The following TOX4 variants were observed in gnomAD, a reference collection of about 807,000 sequenced individuals.
The protein encoded by TOX4 is epidermal Langerhans cell protein LCP1.
TOX4 carries 12 observed loss-of-function variants against 61.0 expected under a neutral mutation model. The ratio of observed to expected loss-of-function variants is 0.20; its 90% CI spans 0.13 to 0.32. TOX4 has a LOEUF of 0.32. TOX4 is among the 10% of genes least tolerant of loss of function. The pLI, the probability that TOX4 is intolerant of heterozygous loss-of-function variation, is 1.00. For synonymous variants in TOX4, 268 were observed against 274.8 expected, an observed-to-expected ratio of 0.98 and a Z score of 0.24; for missense variants, 499 against 753.3, an observed-to-expected ratio of 0.66 and a Z score of 3.95.
rs1279133121 is a variant in TOX4, at chr14:21,498,713, A to C, written c.*2107A>C. ...AGGGGTGAAAGATGTAATTATTGAC[A>C]GATTAAATAGATAACTTCGTAACCA... On this transcript the variant is annotated 3_prime_UTR_variant, in exon 9 of 9. Coordinates refer to ENST00000448790, the MANE Select transcript of TOX4 (RefSeq NM_014828.4). 5 of 458,114 alleles carry C rather than the reference A, an allele frequency of 1.1e-5. No homozygotes were observed. The highest frequency in any genetic ancestry group is 3.9e-5 in the African/African-American group (2 of 51,224). The allele number at this position is 458,114 out of a possible 1,614,324, so 28.4% of individuals were successfully genotyped here.
At chr14:21,488,954 C>G (rs1891238928) in intron 4 of TOX4, 104 bp downstream of exon 4, 1 of 1,498,754 alleles carries the variant, frequency 6.7e-7, no homozygotes, top group Admixed American at 2.0e-5. Context: ...GTGCCATCTC[C>G]TCTGCTGTTT....
At chr14:21,496,425 G>A in intron 8 of TOX4, 121 bp from the exon 9 acceptor site, 1 of 809,268 alleles carries the variant, frequency 1.2e-6, no homozygotes, top group Non-Finnish European at 2.0e-6. Flanking sequence ...TACTCGGGAG[G>A]CTAAGGCAGG....
chr14:21,477,637 C>A, intron 2 of TOX4, 73 bp downstream of exon 2: 1 of 1,532,618 alleles, frequency 6.5e-7, no homozygotes, highest in Non-Finnish European at 8.9e-7. Context: ...GGGAGGAGAG[C>A]ACGGACTCCG....
In TOX4 at chr14:21,487,433, C is replaced by A. The variant is rs201718365; in HGVS notation, c.76-18C>A. On this transcript the variant is annotated intron_variant, in intron 2 of 8. Coordinates refer to ENST00000448790, the MANE Select transcript of TOX4 (RefSeq NM_014828.4). The stretch of plus-strand genomic sequence containing the variant: ...CTCCTCTTTTCACTAATTCTTTTCC[C>A]CCTTTTTTCCCCTACAGACATTCCA... 98 of 1,609,764 alleles carry A rather than the reference C, an allele frequency of 6.1e-5. No homozygotes were observed. Among genetic ancestry groups the A allele is most frequent in the Admixed American group, 1.2e-4 (7 of 59,820 alleles).
intron 5 of TOX4, 145 bp downstream of exon 5, chr14:21,489,548 T>G: frequency 1.3e-6 from 1 of 767,026 alleles, no homozygotes; most frequent in Non-Finnish European, 2.0e-6. Flanking sequence ...GTCTTCGAAG[T>G]TGCAGCCATA....
chr14:21,498,206 T>G lies in TOX4; in HGVS notation c.*1600T>G. On this transcript the variant is annotated 3_prime_UTR_variant, in exon 9 of 9. Coordinates refer to ENST00000448790, the MANE Select transcript of TOX4 (RefSeq NM_014828.4). ...TATTGTACAAATATCACTCTTCAGG[T>G]TTAGCTTACAGAGCCATGGCTATGG... The G allele has an allele frequency of 9.7e-7, 1 of 1,034,132 alleles. No homozygotes were observed. The highest frequency in any genetic ancestry group is 1.5e-6 in the Non-Finnish European group (1 of 654,902). The allele number at this position is 1,034,132 out of a possible 1,614,324, so 64.1% of individuals were successfully genotyped here. A position where few individuals can be genotyped will look rare whatever the true frequency, so the allele number is the denominator to read the frequency against.
At chr14:21,496,373 A>T (rs1183240868) in intron 8 of TOX4, 173 bp from the exon 9 acceptor site, 1 of 530,490 alleles carries the variant, frequency 1.9e-6, no homozygotes, top group Non-Finnish European at 3.4e-6. Flanking sequence ...TAAAAATACA[A>T]AAAATTGGCC....
rs537501336 is a variant in TOX4 at position 21,487,118 on chromosome 14, T to C, written c.76-333T>C. On this transcript the variant is annotated intron_variant, in intron 2 of 8. Transcript: ENST00000448790. ...GATTTCAAGAATCATAGTAAACAGG[T>C]TATAAAGGCTATGTCCTAAGTAATG... Among the ~76,000 whole-genome samples, 5 of 152,308 alleles carry C rather than the reference T, an allele frequency of 3.3e-5. No homozygotes were observed. The East Asian group carries it at 9.6e-4, about 29-fold the overall frequency.
Position 21,497,138 on chromosome 14 carries a change from T to TTA in TOX4, c.*540_*541dup, listed in dbSNP as rs1378007717. 2 of 152,672 alleles carry TTA rather than the reference T, an allele frequency of 1.3e-5. No homozygotes were observed. Among genetic ancestry groups the TTA allele is most frequent in the African/African-American group, 4.8e-5 (2 of 41,432 alleles). 9.5% of individuals were successfully genotyped at this position (152,672 alleles called of 1,614,324 possible). On this transcript the variant is annotated 3_prime_UTR_variant, in exon 9 of 9. Coordinates refer to ENST00000448790, the MANE Select transcript of TOX4 (RefSeq NM_014828.4). ...GACATCACCCAGGAGTGATTTCTCTTTATATATATTATTTCTGCAGTTACC... is the reference window on the plus strand; with the variant it reads ...GACATCACCCAGGAGTGATTTCTCTTTATATATATATTATTTCTGCAGTTACC...
intron 4 of TOX4, 122 bp downstream of exon 4, chr14:21,488,972 A>G: frequency 7.1e-7 from 1 of 1,414,324 alleles, no homozygotes; most frequent in Non-Finnish European, 9.6e-7. Flanking sequence ...TTTTCTGGGT[A>G]TGGGGTTCCA....
Position 21,477,545 on chromosome 14 carries a change from C to A in TOX4, c.56C>A (p.Pro19His), listed in dbSNP as rs752210296. Reference sequence around the variant, plus strand: ...CTGACGATCACAGGGCCTTCGCACCCCTTCCTGTCAGGGGCCGAGGTGAGC... The same window carrying A: ...CTGACGATCACAGGGCCTTCGCACCACTTCCTGTCAGGGGCCGAGGTGAGC... Reference protein sequence around the residue: ...NYLTITGPSHPFLSGAETFHT... With the variant: ...NYLTITGPSHHFLSGAETFHT... Residue 19 changes from proline to histidine, a missense_variant, in exon 2 of 9, where the codon CCC (proline) becomes CAC (histidine). Around this residue, in one of 7 missense-constraint regions of TOX4, gnomAD observed 22 missense variants for 22.5 expected, o/e 0.98. Transcript: ENST00000448790. 2 of 1,613,762 alleles carry A rather than the reference C, an allele frequency of 1.2e-6. No homozygotes were observed. Among genetic ancestry groups the A allele is most frequent in the Admixed American group, 3.3e-5 (2 of 60,020 alleles).
In TOX4 at chr14:21,496,812, T is replaced by G. The variant is rs937544777; in HGVS notation, c.*206T>G. On this transcript the variant is annotated 3_prime_UTR_variant, in exon 9 of 9. Coordinates refer to ENST00000448790, the MANE Select transcript of TOX4 (RefSeq NM_014828.4). ...CTGTAATCTGGAGATGCTTTTTACT[T>G]TCAACCATAAGCGGTAATAGCAGAG... 2.0e-5 allele frequency: 11 copies of G among 540,634 alleles called. No individual in the cohort carries two copies. Among genetic ancestry groups the G allele is most frequent in the Non-Finnish European group, 3.3e-5 (10 of 301,906 alleles). The allele number at this position is 540,634 out of a possible 1,614,324, so 33.5% of individuals were successfully genotyped here.
At position 21,477,234 on chromosome 14, in the gene TOX4, G is replaced by GTGGGAGCGA; in HGVS notation, c.-42_-34dup. On this transcript the variant is annotated 5_prime_UTR_variant, in exon 1 of 9. In the 5' UTR this introduces an upstream ATG that the reference lacks. Transcript: ENST00000448790. Reference sequence around the variant, plus strand: ...GGCAGTTCCGAGTCCAGTGGGGGCGGTGGGAGCGATGAGGGTCTGAGACGG... The same window carrying GTGGGAGCGA: ...GGCAGTTCCGAGTCCAGTGGGGGCGGTGGGAGCGATGGGAGCGATGAGGGTCTGAGACGG... 6.2e-7 allele frequency: 1 copy of GTGGGAGCGA among 1,613,894 alleles called. No individual in the cohort carries two copies. Among genetic ancestry groups the GTGGGAGCGA allele is most frequent in the Non-Finnish European group, 8.5e-7 (1 of 1,179,846 alleles).
Position 21,498,549 on chromosome 14 carries a change from C to CTGGTGTTAAAA in TOX4, c.*1945_*1955dup. ...TACTAGTTCAGAATTGGCATAGATT[C>CTGGTGTTAAAA]TGGTGTTAAAATAGACTGGATCTGT... On this transcript the variant is annotated 3_prime_UTR_variant, in exon 9 of 9. Coordinates refer to ENST00000448790, the MANE Select transcript of TOX4 (RefSeq NM_014828.4). 1 of 633,906 alleles carries CTGGTGTTAAAA rather than the reference C, an allele frequency of 1.6e-6. No homozygotes were observed. Among genetic ancestry groups the CTGGTGTTAAAA allele is most frequent in the Non-Finnish European group, 2.7e-6 (1 of 371,208 alleles). 39.3% of individuals were successfully genotyped at this position (633,906 alleles called of 1,614,324 possible).
At chr14:21,491,399 G>A (rs768144157) in intron 5 of TOX4, among the ~76,000 whole-genome samples, 2 of 151,710 alleles carry the variant, frequency 1.3e-5, no homozygotes, top group African/African-American at 2.4e-5. Flanking sequence ...TCACTGTGTC[G>A]CCCAGGCTGG....
Position 21,489,256 on chromosome 14 carries a change from T to C in TOX4, c.663T>C (p.Asn221=), listed in dbSNP as rs1891244098. 1 of 1,614,076 alleles carries C rather than the reference T, an allele frequency of 6.2e-7. No individual in the cohort carries two copies. The highest frequency in any genetic ancestry group is 1.3e-5 in the African/African-American group (1 of 74,930). Residue 221 remains asparagine (N), a synonymous_variant, in exon 5 of 9, where the codon AAT becomes AAC. Coordinates refer to ENST00000448790, the MANE Select transcript of TOX4 (RefSeq NM_014828.4). ...AGAAGAGAAAAAAGAAAGATCCTAATGAACCTCAGAAACCAGTTTCAGCAT... is the reference window on the plus strand; with the variant it reads ...AGAAGAGAAAAAAGAAAGATCCTAACGAACCTCAGAAACCAGTTTCAGCAT... The part of the protein sequence containing the change: ...APKKRKKKDP[N]EPQKPVSAYA...
Position 21,497,944 on chromosome 14 carries a change from A to G in TOX4, c.*1338A>G. The G allele has an allele frequency of 4.2e-6, 1 of 235,722 alleles. No individual in the cohort carries two copies. The highest frequency in any genetic ancestry group is 6.9e-5 in the South Asian group (1 of 14,406). The allele number at this position is 235,722 out of a possible 1,614,324, so 14.6% of individuals were successfully genotyped here. A position where few individuals can be genotyped will look rare whatever the true frequency, so the allele number is the denominator to read the frequency against. ...GTTACCCTCCTACCTCGGCTTCCCA[A>G]AGTGCTCGGATTACAGGTGTGAGCC... On this transcript the variant is annotated 3_prime_UTR_variant, in exon 9 of 9. Coordinates refer to ENST00000448790, the MANE Select transcript of TOX4 (RefSeq NM_014828.4).
At chr14:21,491,556 G>C (rs1410040305) in intron 5 of TOX4, among the ~76,000 whole-genome samples, 1 of 150,972 alleles carries the variant, frequency 6.6e-6, no homozygotes, top group East Asian at 2.0e-4. Flanking sequence ...GTAGAGATCG[G>C]GTTTCACCAG....
chr14:21,494,551 T>C (rs561230698), intron 7 of TOX4, among the ~76,000 whole-genome samples: 2 of 152,034 alleles, frequency 1.3e-5, no homozygotes, highest in South Asian at 4.1e-4. Context: ...ATCGAGACCA[T>C]CCTGGCTAAC....
Sources: allele counts gnomAD v4.1 joint callset (sites outside exome capture counted in the v4.1 genomes callset), GRCh38; gene constraint gnomAD v4.1.1; regional missense constraint gnomAD v4.1.1; transcripts MANE v1.5; gene names NCBI Gene and HGNC (gene_info 2026-07-23, HGNC 2026-07-21).